ARID1B: variants seen among roughly 807,000 people sequenced by gnomAD.
ARID1B encodes the protein AT-rich interactive domain-containing protein 1B.
Under a neutral mutation model 212.3 loss-of-function variants are expected in ARID1B, and 30 were observed. That is an observed-to-expected ratio of 0.14 (90% CI 0.11 to 0.19). The LOEUF is 0.19. Among genes scored for constraint, ARID1B ranks in the 10% least tolerant of loss-of-function variants. ARID1B has a pLI of 1.00. For missense variants in ARID1B, 2,891 were observed against 3,204.0 expected, an observed-to-expected ratio of 0.90 and a Z score of 2.36; for synonymous variants, 1,402 against 1,301.7, an observed-to-expected ratio of 1.08 and a Z score of -1.66.
In ARID1B at chr6:156,777,982, G is replaced by A. The variant is rs1228472961; in HGVS notation, c.302G>A (p.Ser101Asn). 2 of 1,531,318 alleles carry A rather than the reference G, an allele frequency of 1.3e-6. No homozygotes were observed. The highest frequency in any genetic ancestry group is 1.7e-6 in the Non-Finnish European group (2 of 1,144,906). The allele number at this position is 1,531,318 out of a possible 1,614,324, so 94.9% of individuals were successfully genotyped here. A position where few individuals can be genotyped will look rare whatever the true frequency, so the allele number is the denominator to read the frequency against. ...GCCGCCGGCACCCACAGCGCCAAGA[G>A]CGGCGGCTCCGAGGCGGCTCTCAAG... The part of the protein sequence containing the change: ...AAAAGTHSAK[S>N]GGSEAALKEG... Residue 101 changes from serine to asparagine, a missense_variant, in exon 1 of 20, where the codon AGC becomes AAC. Around this residue, in one of 7 missense-constraint regions of ARID1B, gnomAD observed 1,643 missense variants for 1,544.0 expected, o/e 1.06. Transcript: ENST00000636930.
chr6:156,822,385 A>G (rs758900284), intron 1 of ARID1B, among the ~76,000 whole-genome samples: 1 of 152,248 alleles, frequency 6.6e-6, no homozygotes, highest in Non-Finnish European at 1.5e-5. Flanking sequence ...ATGATCGTGT[A>G]TAGACACACC....
chr6:156,859,207 G>A (rs1178059436), intron 2 of ARID1B, among the ~76,000 whole-genome samples: 2 of 152,054 alleles, frequency 1.3e-5, no homozygotes, highest in Non-Finnish European at 2.9e-5. Context: ...TCCGCCTCCC[G>A]GGTTCACGCC....
At chr6:156,810,448 G>A (rs1030784114) in intron 1 of ARID1B, among the ~76,000 whole-genome samples, 2 of 152,154 alleles carry the variant, frequency 1.3e-5, no homozygotes, top group Admixed American at 1.3e-4. Context: ...TTGGATTCCT[G>A]CTCTCATTCT....
intron 19 of ARID1B, chr6:157,205,597 A>G (rs1794384349): frequency 6.6e-6 from 1 of 152,278 alleles, no homozygotes; most frequent in African/African-American, 2.4e-5. Flanking sequence ...TTCAGTGTTC[A>G]TGAGCTACCA....
chr6:156,881,652 G>T (rs1466979577), intron 2 of ARID1B, among the ~76,000 whole-genome samples: 1 of 152,148 alleles, frequency 6.6e-6, no homozygotes, highest in Non-Finnish European at 1.5e-5. Context: ...ATACATACTG[G>T]TGGATCTCCA....
intron 1 of ARID1B, among the ~76,000 whole-genome samples, chr6:156,803,163 C>T (rs1387467592): frequency 2.0e-5 from 3 of 151,964 alleles, no homozygotes; most frequent in African/African-American, 7.3e-5. Flanking sequence ...TTCTTTTTAT[C>T]AGATTGACTC....
At chr6:156,795,105 G>A (rs573826130) in intron 1 of ARID1B, among the ~76,000 whole-genome samples, 1 of 152,342 alleles carries the variant, frequency 6.6e-6, no homozygotes, top group Admixed American at 6.5e-5. Flanking sequence ...GTTACCCAGG[G>A]TGGCCGTGAA....
chr6:156,877,876 AT>A (rs71750418), intron 2 of ARID1B, among the ~76,000 whole-genome samples: 51,614 of 148,598 alleles, frequency 0.35, 9,233 homozygotes, highest in African/African-American at 0.46. Context: ...TACCTAGCTA[AT>A]TTTTTTTTTT....
At chr6:157,010,039 T>C (rs10485199) in intron 4 of ARID1B, among the ~76,000 whole-genome samples, 47,128 of 152,122 alleles carry the variant, frequency 0.31, 7,463 homozygotes, top group Non-Finnish European at 0.32. Flanking sequence ...GTTAGGGAAA[T>C]CTAGAATAAG....
At chr6:157,073,276 G>C (rs983014865) in intron 4 of ARID1B, among the ~76,000 whole-genome samples, 12 of 151,970 alleles carry the variant, frequency 7.9e-5, no homozygotes, top group African/African-American at 2.9e-4. Flanking sequence ...CTAAATTTTT[G>C]TAGTTTTAGT....
At chr6:156,884,152 T>C (rs74405522) in intron 2 of ARID1B, among the ~76,000 whole-genome samples, 3,676 of 152,272 alleles carry the variant, frequency 0.024, 51 homozygotes, top group Non-Finnish European at 0.035. Flanking sequence ...AAGATACAAA[T>C]GTAGCACATA....
At chr6:157,052,205 A>G (rs1218753258) in intron 4 of ARID1B, among the ~76,000 whole-genome samples, 1 of 152,214 alleles carries the variant, frequency 6.6e-6, no homozygotes, top group East Asian at 1.9e-4. Context: ...TATATGTAGT[A>G]AAATGAAGAA....
In ARID1B at chr6:156,778,333, C is replaced by T. The variant is rs759611608; in HGVS notation, c.653C>T (p.Ser218Phe). 1.9e-6 allele frequency: 3 copies of T among 1,543,030 alleles called. No homozygotes were observed. Among genetic ancestry groups the T allele is most frequent in the South Asian group, 1.2e-5 (1 of 83,896 alleles). ...CAGCAGCAACAGCAACATCCCATTT[C>T]CAACAACAACAGCTTGGGCGGCGCG... ...QQQQQQQHPI[S>F]NNNSLGGAGG... The change falls in exon 1 of 20, where the codon TCC (serine) becomes TTC (phenylalanine). Residue 218 changes from serine to phenylalanine, a missense_variant. By Grantham distance (155) the Ser-to-Phe change is radical. Coordinates refer to ENST00000636930, the MANE Select transcript of ARID1B (RefSeq NM_001374828.1).
At chr6:156,878,473 C>T (rs1453128535) in intron 2 of ARID1B, among the ~76,000 whole-genome samples, 1 of 152,222 alleles carries the variant, frequency 6.6e-6, no homozygotes, top group African/African-American at 2.4e-5. Context: ...CATGTGCACA[C>T]ACCTGAAATT....
chr6:156,995,095 C>G (rs886826304), intron 4 of ARID1B, among the ~76,000 whole-genome samples: 2 of 152,230 alleles, frequency 1.3e-5, no homozygotes, highest in Non-Finnish European at 2.9e-5. Context: ...GCACGTCTGT[C>G]TCTGAAGAGG....
At chr6:157,159,662 A>G (rs1178451476) in intron 8 of ARID1B, among the ~76,000 whole-genome samples, 1 of 152,242 alleles carries the variant, frequency 6.6e-6, no homozygotes, top group Admixed American at 6.5e-5. Context: ...AGTATTCCTC[A>G]GTGCTTAGCA....
intron 3 of ARID1B, among the ~76,000 whole-genome samples, chr6:156,921,490 CACAA>C (rs1371532809): frequency 6.2e-5 from 7 of 113,196 alleles, no homozygotes; most frequent in Admixed American, 2.7e-4. Context: ...CACACACACA[CACAA>C]AATGTAAGGG....
intron 2 of ARID1B, among the ~76,000 whole-genome samples, chr6:156,855,721 TTGTG>T (rs994294023): frequency 2.0e-5 from 3 of 152,122 alleles, no homozygotes; most frequent in Non-Finnish European, 2.9e-5. Context: ...TTCTCTGTCT[TTGTG>T]TGTGTGAGTG....
rs761227259 is a variant in ARID1B at position 157,181,053 on chromosome 6, G to A, written c.3589G>A (p.Asp1197Asn). The change falls in exon 12 of 20, where the codon GAC becomes AAC. Residue 1197 changes from aspartate to asparagine, a missense_variant. By Grantham distance (23) the Asp-to-Asn change is conservative (BLOSUM62 1). Transcript: ENST00000636930. ...GNEPERKLWV[D>N]RYLTFMEERG... ...TGAGCCAGAGAGAAAGCTCTGGGTCGACCGATACCTCACCTTCATGGAAGA... is the reference window on the plus strand; with the variant it reads ...TGAGCCAGAGAGAAAGCTCTGGGTCAACCGATACCTCACCTTCATGGAAGA... The A allele has an allele frequency of 5.6e-6, 9 of 1,613,948 alleles. No individual in the cohort carries two copies. Among genetic ancestry groups the A allele is most frequent in the African/African-American group, 2.7e-5 (2 of 74,894 alleles).
Sources: allele counts gnomAD v4.1 joint callset (sites outside exome capture counted in the v4.1 genomes callset), GRCh38; gene constraint gnomAD v4.1.1; regional missense constraint gnomAD v4.1.1; transcripts MANE v1.5; gene names NCBI Gene and HGNC (gene_info 2026-07-23, HGNC 2026-07-21).